Variants in DNAH11 observed in about 807,000 individuals in gnomAD.
DNAH11 encodes the protein dynein axonemal heavy chain 11, also known as axonemal beta dynein heavy chain 11.
In DNAH11, 442 loss-of-function variants were observed where a neutral mutation model predicts 526.0. The observed-to-expected ratio is 0.84, with a 90% CI of 0.78 to 0.91. DNAH11 has a LOEUF of 0.91. Among genes scored for constraint, DNAH11 ranks in the 40% least tolerant of loss-of-function variants. The pLI, the probability that DNAH11 is intolerant of heterozygous loss-of-function variation, is 0.00. For synonymous variants in DNAH11, 2,461 were observed against 1,935.9 expected, an observed-to-expected ratio of 1.27 and a Z score of -7.12; for missense variants, 6,989 against 5,448.7, an observed-to-expected ratio of 1.28 and a Z score of -8.90.
chr7:21,812,517 T>A (rs34376695), intron 63 of DNAH11, among the ~76,000 whole-genome samples: 571 of 55,704 alleles, frequency 0.01, 5 homozygotes, highest in Non-Finnish European at 0.014. Flanking sequence ...AAAAAAAAAT[T>A]TTTTTTAAAC....
intron 25 of DNAH11, among the ~76,000 whole-genome samples, chr7:21,626,663 T>A (rs1786350192): frequency 6.6e-6 from 1 of 151,918 alleles, no homozygotes; most frequent in Admixed American, 6.6e-5. Flanking sequence ...TGACATCATA[T>A]CTCATTGTAT....
chr7:21,822,248 C>T (rs182924168), intron 65 of DNAH11, among the ~76,000 whole-genome samples: 1 of 152,140 alleles, frequency 6.6e-6, no homozygotes, highest in East Asian at 1.9e-4. Flanking sequence ...CTGGTGAAGC[C>T]TCAGGAGGCT....
At chr7:21,672,525 C>A (rs1239570053) in intron 30 of DNAH11, among the ~76,000 whole-genome samples, 1 of 152,164 alleles carries the variant, frequency 6.6e-6, no homozygotes, top group East Asian at 1.9e-4. Context: ...GGCCTCAGGC[C>A]ATTCTCGCTC....
intron 75 of DNAH11, among the ~76,000 whole-genome samples, chr7:21,882,396 T>C (rs2128042869): frequency 6.6e-6 from 1 of 152,334 alleles, no homozygotes; most frequent in South Asian, 2.1e-4. Context: ...ATTTGGGAAT[T>C]AAATTCCTAT....
intron 28 of DNAH11, among the ~76,000 whole-genome samples, chr7:21,645,121 A>G (rs751139807): frequency 1.1e-4 from 16 of 152,230 alleles, no homozygotes; most frequent in East Asian, 5.8e-4. Flanking sequence ...TATCACTTCA[A>G]TGTTATGAGT....
chr7:21,852,436 C>G (rs1399261304), intron 66 of DNAH11, 31 bp from the exon 67 acceptor site: 2 of 1,576,466 alleles, frequency 1.3e-6, no homozygotes, highest in East Asian at 4.5e-5. Flanking sequence ...ACTTAACCAC[C>G]ATTTCCCACA....
intron 2 of DNAH11, among the ~76,000 whole-genome samples, chr7:21,555,914 C>T (rs1404687649): frequency 6.6e-6 from 1 of 152,162 alleles, no homozygotes; most frequent in Non-Finnish European, 1.5e-5. Context: ...TTTACCCATC[C>T]GAACCCAAAG....
rs1215705470 is a variant in DNAH11, at chr7:21,842,837, C to T, written c.10896+89C>T. 31 of 1,170,854 alleles carry T rather than the reference C, an allele frequency of 2.6e-5. No individual in the cohort carries two copies. The South Asian group carries it at 5.6e-4, about 21-fold the overall frequency. 72.5% of individuals were successfully genotyped at this position (1,170,854 alleles called of 1,614,324 possible). ...AGACATAGAAGTATAAAATAGGATT[C>T]CTGCCCTCTAGAATCCTGCAACCTA... On this transcript the variant is annotated intron_variant, in intron 66 of 81. Transcript: ENST00000409508.
chr7:21,764,972 A>G (rs985602863), intron 54 of DNAH11, among the ~76,000 whole-genome samples: 3 of 152,230 alleles, frequency 2.0e-5, no homozygotes, highest in African/African-American at 4.8e-5. Context: ...TGGAAACACA[A>G]ACATTAAAGA....
chr7:21,619,070 A>G, intron 23 of DNAH11, 30 bp from the exon 24 acceptor site: 1 of 1,612,706 alleles, frequency 6.2e-7, no homozygotes, highest in Non-Finnish European at 8.5e-7. Context: ...TATGTGGAAT[A>G]TAAAGTCTAA....
chr7:21,649,360 T>C (rs1249866967), intron 28 of DNAH11, among the ~76,000 whole-genome samples: 2 of 152,228 alleles, frequency 1.3e-5, no homozygotes, highest in African/African-American at 4.8e-5. Context: ...ACTTTATTTA[T>C]AATAGTCCAA....
chr7:21,741,349 T>A (rs1406198728), intron 48 of DNAH11, among the ~76,000 whole-genome samples: 1 of 152,250 alleles, frequency 6.6e-6, no homozygotes, highest in African/African-American at 2.4e-5. Flanking sequence ...TCCATTCATC[T>A]ACTGAAGGAC....
chr7:21,658,773 A>G lies in DNAH11; in HGVS notation c.5095-25A>G, dbSNP rs1263510140. On this transcript the variant is annotated intron_variant, in intron 29 of 81. Transcript: ENST00000409508. ...ATCCTTCCATAGTTAAGCCTGTGTT[A>G]TAACATTTCAACTTGCTTCCAAAGG... The G allele has an allele frequency of 3.3e-6, 5 of 1,535,680 alleles. No homozygotes were observed. In the East Asian group the frequency reaches 9.6e-5, roughly 30 times the overall value.
At position 21,680,713 on chromosome 7, in the gene DNAH11, C is replaced by T. The variant is rs139268225; in HGVS notation, c.5329-833C>T. 3.0e-3 allele frequency among the ~76,000 whole-genome samples: 456 copies of T among 152,220 alleles called. 13 individuals carry two copies. The highest frequency in any genetic ancestry group is 0.026 in the Admixed American group (404 of 15,288). ...CAGCAGTTTGAAAAATATTTATCTA[C>T]GAGTTCGACGGACCTAAACAAGAAT... On this transcript the variant is annotated intron_variant, in intron 30 of 81. Transcript: ENST00000409508.
chr7:21,733,234 A>G (rs1785458336), intron 45 of DNAH11, among the ~76,000 whole-genome samples: 1 of 152,206 alleles, frequency 6.6e-6, no homozygotes, highest in Non-Finnish European at 1.5e-5. Context: ...TAAAAATACA[A>G]AAAATTAGCT....
chr7:21,659,944 A>G (rs1157045344), intron 30 of DNAH11, among the ~76,000 whole-genome samples: 1 of 152,082 alleles, frequency 6.6e-6, no homozygotes, highest in Non-Finnish European at 1.5e-5. Context: ...CAACTTATTT[A>G]TATTACTAAA....
chr7:21,679,395 C>T (rs1466729915), intron 30 of DNAH11, among the ~76,000 whole-genome samples: 2 of 152,134 alleles, frequency 1.3e-5, no homozygotes, highest in Non-Finnish European at 2.9e-5. Flanking sequence ...AGTATTTTCA[C>T]TTAAAAGATG....
intron 30 of DNAH11, among the ~76,000 whole-genome samples, chr7:21,669,885 A>T (rs1782575662): frequency 6.6e-6 from 1 of 151,970 alleles, no homozygotes; most frequent in Non-Finnish European, 1.5e-5. Flanking sequence ...TGTTTCATTG[A>T]TCTATTTTTC....
At chr7:21,795,789 T>C (rs7787438) in intron 61 of DNAH11, among the ~76,000 whole-genome samples, 62,178 of 151,940 alleles carry the variant, frequency 0.41, 13,510 homozygotes, top group East Asian at 0.74. Flanking sequence ...CAAGGGAGGT[T>C]GCATTGGCTA....
Sources: gnomAD v4.1 joint callset for allele counts (sites outside exome capture counted in the v4.1 genomes callset) on GRCh38, gnomAD v4.1.1 for gene constraint, MANE v1.5 for transcripts, NCBI Gene and HGNC (gene_info 2026-07-23, HGNC 2026-07-21) for gene names.